Variants in XRCC4 observed in about 807,000 individuals in gnomAD.
The protein encoded by XRCC4 is X-ray repair cross complementing 4.
Under a neutral mutation model 39.1 loss-of-function variants are expected in XRCC4, and 28 were observed. That is an observed-to-expected ratio of 0.72 (90% CI 0.53 to 0.98). The LOEUF is 0.98. Ranked by LOEUF, XRCC4 falls within the 50% of genes least tolerant of loss-of-function variation. The pLI is 0.00. For synonymous variants in XRCC4, 123 were observed against 126.4 expected (o/e 0.97, Z 0.18); for missense variants, 350 against 376.4 (o/e 0.93, Z 0.58).
intron 7 of XRCC4, among the ~76,000 whole-genome samples, chr5:83,268,701 T>C (rs943207199): frequency 4.6e-5 from 7 of 151,588 alleles, no homozygotes; most frequent in African/African-American, 1.7e-4. Context: ...TATGACATTC[T>C]CCTTATGGAA....
chr5:83,340,533 C>T (rs2112198590), intron 7 of XRCC4, among the ~76,000 whole-genome samples: 1 of 152,042 alleles, frequency 6.6e-6, no homozygotes, highest in East Asian at 1.9e-4. Context: ...CAAGCAACAT[C>T]AGAATGATGT....
At chr5:83,135,525 ATTTTC>A (rs956569245) in intron 3 of XRCC4, among the ~76,000 whole-genome samples, 9 of 146,482 alleles carry the variant, frequency 6.1e-5, no homozygotes, top group East Asian at 6.1e-4. Flanking sequence ...TAGTTTTTCT[ATTTTC>A]TTTTCTCGTT....
intron 3 of XRCC4, among the ~76,000 whole-genome samples, chr5:83,149,409 T>C (rs1180284072): frequency 2.0e-5 from 3 of 152,164 alleles, no homozygotes; most frequent in South Asian, 2.1e-4. Context: ...TATTTCATTA[T>C]GTGTTATACT....
chr5:83,161,869 G>C (rs936874467), intron 3 of XRCC4, among the ~76,000 whole-genome samples: 1 of 152,148 alleles, frequency 6.6e-6, no homozygotes, highest in Non-Finnish European at 1.5e-5. Flanking sequence ...CTCAAATTCT[G>C]GTTTGGCATA....
chr5:83,287,346 A>G (rs1472408989), intron 7 of XRCC4, among the ~76,000 whole-genome samples: 1 of 152,090 alleles, frequency 6.6e-6, no homozygotes, highest in African/African-American at 2.4e-5. Flanking sequence ...CTAAAACCCA[A>G]TATCCTAGTG....
the XRCC4 span, among the ~76,000 whole-genome samples, chr5:83,370,639 T>C: frequency 1.3e-5 from 2 of 152,260 alleles, no homozygotes. Context: ...TTCAACTTGG[T>C]GTGTGTCATC....
chr5:83,249,986 A>G (rs1580423573), intron 6 of XRCC4, among the ~76,000 whole-genome samples: 1 of 152,252 alleles, frequency 6.6e-6, no homozygotes, highest in East Asian at 1.9e-4. Context: ...AAAAGTCTAG[A>G]TTTGATTAAC....
At chr5:83,209,083 A>T (rs1296735657) in intron 6 of XRCC4, among the ~76,000 whole-genome samples, 2 of 143,582 alleles carry the variant, frequency 1.4e-5, no homozygotes, top group South Asian at 2.2e-4. Context: ...CTCCAAAGTG[A>T]GTGTGTGTGT....
chr5:83,078,378 A>G (rs1325355983), intron 1 of XRCC4, among the ~76,000 whole-genome samples: 5 of 152,204 alleles, frequency 3.3e-5, no homozygotes, highest in African/African-American at 4.8e-5. Flanking sequence ...CCTTATGGCA[A>G]GCTTTTGGTT....
intron 3 of XRCC4, among the ~76,000 whole-genome samples, chr5:83,155,440 G>T (rs1580303062): frequency 6.6e-6 from 1 of 152,290 alleles, no homozygotes; most frequent in East Asian, 1.9e-4. Context: ...AAAGGTATGT[G>T]CAGGCATTGA....
rs549570566 is a variant in XRCC4 at position 83,252,796 on chromosome 5, G to T, written c.746-5734G>T. 2.0e-5 allele frequency among the ~76,000 whole-genome samples: 3 copies of T among 152,082 alleles called. 1 individual carries two copies. Among genetic ancestry groups the T allele is most frequent in the East Asian group, 1.9e-4 (1 of 5,176 alleles). ...CACTTTACCCTACATCTCATCTGGA[G>T]GTTTATAAGTAAGTTTTTGATTAAA... On this transcript the variant is annotated intron_variant, in intron 6 of 7. Coordinates refer to ENST00000396027, the MANE Select transcript of XRCC4 (RefSeq NM_003401.5).
chr5:83,122,723 A>T (rs1483794353), intron 3 of XRCC4, among the ~76,000 whole-genome samples: 1 of 151,968 alleles, frequency 6.6e-6, no homozygotes, highest in Non-Finnish European at 1.5e-5. Flanking sequence ...CATTCCTCAC[A>T]TTTTGGTATG....
At chr5:83,106,889 T>G (rs755515379) in intron 2 of XRCC4, among the ~76,000 whole-genome samples, 9 of 151,956 alleles carry the variant, frequency 5.9e-5, no homozygotes, top group Non-Finnish European at 1.0e-4. Flanking sequence ...AAAAAGAAAA[T>G]AAATTGTTCA....
At chr5:83,228,241 A>G (rs1006845553) in intron 6 of XRCC4, among the ~76,000 whole-genome samples, 8 of 152,036 alleles carry the variant, frequency 5.3e-5, no homozygotes, top group Non-Finnish European at 1.2e-4. Context: ...TCTTTACAAT[A>G]AAGTAAATTC....
At chr5:83,077,798 G>T (rs1744733436) in intron 1 of XRCC4, 183 bp downstream of exon 1, 1 of 163,950 alleles carries the variant, frequency 6.1e-6, no homozygotes, top group African/African-American at 2.4e-5. Context: ...GGGGATGCTA[G>T]GGTTCTCGGC....
intron 6 of XRCC4, among the ~76,000 whole-genome samples, chr5:83,213,343 T>C (rs941289956): frequency 6.6e-6 from 1 of 152,134 alleles, no homozygotes; most frequent in Admixed American, 6.5e-5. Flanking sequence ...ATAGAAAATA[T>C]AAATACATAT....
At chr5:83,327,352 G>T (rs1457808839) in intron 7 of XRCC4, among the ~76,000 whole-genome samples, 1 of 151,958 alleles carries the variant, frequency 6.6e-6, no homozygotes, top group African/African-American at 2.4e-5. Flanking sequence ...ATTTTTCCAT[G>T]TAGAAATATA....
chr5:83,331,076 G>A (rs944520172), intron 7 of XRCC4, among the ~76,000 whole-genome samples: 5 of 152,064 alleles, frequency 3.3e-5, no homozygotes, highest in Admixed American at 6.6e-5. Context: ...CTGATGCTGT[G>A]TGCCCTCCTG....
At chr5:83,323,101 A>G (rs963611047) in intron 7 of XRCC4, among the ~76,000 whole-genome samples, 1 of 152,090 alleles carries the variant, frequency 6.6e-6, no homozygotes, top group Non-Finnish European at 1.5e-5. Context: ...CTTTAAAGCT[A>G]CTTAGAAGAT....
Sources: gnomAD v4.1 joint callset for allele counts (sites outside exome capture counted in the v4.1 genomes callset) on GRCh38, gnomAD v4.1.1 for gene constraint, MANE v1.5 for transcripts, NCBI Gene and HGNC (gene_info 2026-07-23, HGNC 2026-07-21) for gene names.